Variants in HORMAD2 observed in about 807,000 individuals in gnomAD.
HORMAD2 encodes the protein HORMA domain-containing protein 2.
HORMAD2 carries 45 observed loss-of-function variants against 38.8 expected under a neutral mutation model. The observed-to-expected ratio is 1.16, with a 90% CI of 0.91 to 1.49. The LOEUF is 1.49. Among genes scored for constraint, HORMAD2 ranks in the 40% most tolerant of loss-of-function variants. The pLI, the probability that HORMAD2 is intolerant of heterozygous loss-of-function variation, is 0.00. For missense variants in HORMAD2, 338 were observed against 367.0 expected (o/e 0.92, Z 0.65); for synonymous variants, 126 against 122.8 (o/e 1.03, Z -0.17).
chr22:30,150,210 A>G (rs1029694956), intron 10 of HORMAD2, among the ~76,000 whole-genome samples: 1 of 152,168 alleles, frequency 6.6e-6, no homozygotes, highest in Admixed American at 6.5e-5. Flanking sequence ...TTTTAAAAAA[A>G]TAATTTTCCC....
chr22:30,195,036 C>CA, the HORMAD2 span, among the ~76,000 whole-genome samples: 3 of 151,596 alleles, frequency 2.0e-5, no homozygotes, highest in Non-Finnish European at 2.9e-5. Context: ...ACTAAAAATA[C>CA]AAAAAAATTA....
intron 1 of HORMAD2, among the ~76,000 whole-genome samples, chr22:30,091,219 T>C (rs759990457): frequency 2.0e-5 from 3 of 151,974 alleles, no homozygotes; most frequent in Non-Finnish European, 2.9e-5. Flanking sequence ...CCTTCCTTTC[T>C]TTCTTTTTCT....
At chr22:30,120,053 C>T (rs1922324847) in intron 8 of HORMAD2, among the ~76,000 whole-genome samples, 1 of 152,146 alleles carries the variant, frequency 6.6e-6, no homozygotes, top group African/African-American at 2.4e-5. Context: ...CTTTACTCTC[C>T]AAAACTCAAA....
chr22:30,080,846 T>A (rs947564689), intron 1 of HORMAD2, among the ~76,000 whole-genome samples: 5 of 152,026 alleles, frequency 3.3e-5, no homozygotes, highest in African/African-American at 9.7e-5. Context: ...TGCCCGACAT[T>A]GGAGGGGGCC....
At position 30,176,388 on chromosome 22, in the gene HORMAD2, G is replaced by A. The variant is rs186778159; in HGVS notation, c.*221G>A. ...GGGTCAATAGGGCTGCCTCTGGATA[G>A]CATTACTTCAAAGCTGGGTTAGAGA... On this transcript the variant is annotated 3_prime_UTR_variant, in exon 11 of 11. Coordinates refer to ENST00000336726, the MANE Select transcript of HORMAD2 (RefSeq NM_152510.4). 11 of 447,892 alleles carry A rather than the reference G, an allele frequency of 2.5e-5. 1 individual carries two copies. Among genetic ancestry groups the A allele is most frequent in the African/African-American group, 1.0e-4 (5 of 49,670 alleles). 27.7% of individuals were successfully genotyped at this position (447,892 alleles called of 1,614,324 possible). A position where few individuals can be genotyped will look rare whatever the true frequency, so the allele number is the denominator to read the frequency against.
At chr22:30,086,160 C>T (rs1278236550) in intron 1 of HORMAD2, among the ~76,000 whole-genome samples, 6 of 152,160 alleles carry the variant, frequency 3.9e-5, no homozygotes, top group Non-Finnish European at 7.4e-5. Flanking sequence ...TCCCTCTCTT[C>T]CTCCTTCTCT....
chr22:30,132,064 T>C (rs1923320389), intron 10 of HORMAD2, among the ~76,000 whole-genome samples: 1 of 152,234 alleles, frequency 6.6e-6, no homozygotes, highest in African/African-American at 2.4e-5. Context: ...CAAGAGCCTT[T>C]TCATTCAAAA....
intron 10 of HORMAD2, among the ~76,000 whole-genome samples, chr22:30,161,045 G>A (rs1160083406): frequency 1.3e-5 from 2 of 152,160 alleles, no homozygotes; most frequent in African/African-American, 4.8e-5. Context: ...CTTAGTGACT[G>A]TATCTTGCAA....
the HORMAD2 span, among the ~76,000 whole-genome samples, chr22:30,191,668 T>G: frequency 6.6e-6 from 1 of 151,900 alleles, no homozygotes; most frequent in Non-Finnish European, 1.5e-5. Context: ...CAAAGTTACA[T>G]AGAAACTAAA....
At chr22:30,112,640 T>C (rs898548845) in intron 7 of HORMAD2, 118 bp downstream of exon 7, 1 of 449,746 alleles carries the variant, frequency 2.2e-6, no homozygotes, top group East Asian at 3.6e-5. Context: ...GAGGAACTAA[T>C]AGTGGGCTCT....
At chr22:30,147,606 G>A (rs1047225280) in intron 10 of HORMAD2, among the ~76,000 whole-genome samples, 3 of 152,068 alleles carry the variant, frequency 2.0e-5, no homozygotes, top group African/African-American at 7.2e-5. Context: ...ATACTGATAA[G>A]CAGGACTTCA....
chr22:30,082,058 A>G (rs1892649790), intron 1 of HORMAD2, among the ~76,000 whole-genome samples: 2 of 152,176 alleles, frequency 1.3e-5, no homozygotes, highest in African/African-American at 4.8e-5. Flanking sequence ...CTTCCTCCAC[A>G]GAATTGGATC....
intron 10 of HORMAD2, among the ~76,000 whole-genome samples, chr22:30,168,719 C>T (rs1051259351): frequency 1.3e-5 from 2 of 152,118 alleles, no homozygotes; most frequent in African/African-American, 2.4e-5. Flanking sequence ...TCTGTCTCTC[C>T]TGAGCCCTCT....
chr22:30,126,610 A>T (rs1922886259), intron 10 of HORMAD2, among the ~76,000 whole-genome samples: 1 of 152,170 alleles, frequency 6.6e-6, no homozygotes, highest in Admixed American at 6.6e-5. Flanking sequence ...ATAATTTATA[A>T]TTTTTGTCTA....
At chr22:30,170,358 C>G (rs770248529) in intron 10 of HORMAD2, among the ~76,000 whole-genome samples, 2 of 152,170 alleles carry the variant, frequency 1.3e-5, no homozygotes, top group Non-Finnish European at 2.9e-5. Context: ...TCATGCAAAA[C>G]AAGTACCGTG....
chr22:30,153,064 T>G (rs1924853196), intron 10 of HORMAD2, among the ~76,000 whole-genome samples: 1 of 151,048 alleles, frequency 6.6e-6, no homozygotes, highest in Admixed American at 6.6e-5. Context: ...AACAAGTTTC[T>G]CTACCCAGTT....
At chr22:30,106,675 GA>G (rs1481562258) in intron 5 of HORMAD2, among the ~76,000 whole-genome samples, 1 of 152,132 alleles carries the variant, frequency 6.6e-6, no homozygotes, top group Non-Finnish European at 1.5e-5. Flanking sequence ...TCAAGTTTTG[GA>G]GTCAGATGGT....
chr22:30,083,343 A>G (rs986436137), intron 1 of HORMAD2, among the ~76,000 whole-genome samples: 3 of 151,970 alleles, frequency 2.0e-5, no homozygotes, highest in African/African-American at 4.8e-5. Flanking sequence ...AAACAAATAT[A>G]TAAGAGAATG....
chr22:30,109,322 C>A (rs1426466917), intron 5 of HORMAD2, among the ~76,000 whole-genome samples: 1 of 151,732 alleles, frequency 6.6e-6, no homozygotes, highest in East Asian at 1.9e-4. Context: ...CCATGCCCGG[C>A]CCTCTCTTTC....
Sources: allele counts gnomAD v4.1 joint callset (sites outside exome capture counted in the v4.1 genomes callset), GRCh38; gene constraint gnomAD v4.1.1; transcripts MANE v1.5; gene names NCBI Gene and HGNC (gene_info 2026-07-23, HGNC 2026-07-21).